The following RYR1 variants were observed in gnomAD, a reference collection of about 807,000 sequenced individuals.
RYR1 encodes the protein ryanodine receptor 1.
In RYR1, 342 loss-of-function variants were observed where a neutral mutation model predicts 583.5. That is an observed-to-expected ratio of 0.59 (90% CI 0.54 to 0.64). RYR1 has a LOEUF of 0.64. Ranked by LOEUF, RYR1 falls within the 30% of genes least tolerant of loss-of-function variation. RYR1 has a pLI of 0.00. For missense variants in RYR1, 6,032 were observed against 6,917.2 expected (o/e 0.87, Z 4.54); for synonymous variants, 2,791 against 2,822.5 (o/e 0.99, Z 0.35).
chr19:38,577,586 T>C (rs1007384112), intron 97 of RYR1, among the ~76,000 whole-genome samples: 1 of 151,788 alleles, frequency 6.6e-6, no homozygotes, highest in Non-Finnish European at 1.5e-5. Flanking sequence ...CACTTGAGGT[T>C]AGGAGTTCAA....
Position 38,496,788 on chromosome 19 carries a change from G to A in RYR1, c.6797-72G>A. On this transcript the variant is annotated intron_variant, in intron 41 of 105. Coordinates refer to ENST00000359596, the MANE Select transcript of RYR1 (RefSeq NM_000540.3). This position sits in a 1 kb window ranked among gnomAD's most constrained non-coding sequence, Gnocchi z 4.8. ...CCTGATCCAGGCTGGAAAAAGGGTG[G>A]TCAGGGAGGGCTTCCCAGAGGAGGC... 1 of 1,443,242 alleles carries A rather than the reference G, an allele frequency of 6.9e-7. No homozygotes were observed. The highest frequency in any genetic ancestry group is 2.3e-5 in the East Asian group (1 of 44,002). The allele number at this position is 1,443,242 out of a possible 1,614,324, so 89.4% of individuals were successfully genotyped here.
Position 38,490,667 on chromosome 19 carries a change from G to A in RYR1, c.6062G>A (p.Cys2021Tyr). 1.9e-6 allele frequency: 3 copies of A among 1,613,664 alleles called. No homozygotes were observed. The highest frequency in any genetic ancestry group is 2.5e-6 in the Non-Finnish European group (3 of 1,179,570). The change falls in exon 37 of 106, where the codon TGT becomes TAT. Residue 2021 changes from cysteine (C) to tyrosine (Y), a missense_variant. By Grantham distance (194) the Cys-to-Tyr change is radical (BLOSUM62 -2). Coordinates refer to ENST00000359596, the MANE Select transcript of RYR1 (RefSeq NM_000540.3). The part of the protein sequence containing the change: ...QFKDGTDEED[C>Y]PLPEEIRQDL... ...AAAGATGGTACAGATGAGGAAGACT[G>A]TCCTCTCCCTGAAGAGATTCGACAG...
chr19:38,532,623 A>G, intron 77 of RYR1, 48 bp from the exon 78 acceptor site: 1 of 1,613,448 alleles, frequency 6.2e-7, no homozygotes, highest in Non-Finnish European at 8.5e-7. Flanking sequence ...CTGGGGCGGG[A>G]TGGAGGGGTC....
intron 53 of RYR1, 103 bp from the exon 54 acceptor site, chr19:38,505,703 G>A: frequency 2.1e-6 from 3 of 1,442,382 alleles, no homozygotes; most frequent in Non-Finnish European, 2.9e-6. Context: ...ATCCAGACTG[G>A]ACCATTGCCT....
intron 78 of RYR1, among the ~76,000 whole-genome samples, chr19:38,533,978 T>C (rs991460824): frequency 6.6e-6 from 1 of 151,228 alleles, no homozygotes; most frequent in Non-Finnish European, 1.5e-5. Flanking sequence ...TATACAGCAA[T>C]AATAATGTGA....
At chr19:38,578,322 C>T (rs1974051519) in intron 99 of RYR1, 118 bp downstream of exon 99, 3 of 955,804 alleles carry the variant, frequency 3.1e-6, no homozygotes. Context: ...TGGCTGTGAC[C>T]CTAGGGTATC....
chr19:38,548,801 T>C (rs1972542226), intron 89 of RYR1, among the ~76,000 whole-genome samples: 1 of 152,146 alleles, frequency 6.6e-6, no homozygotes, highest in Admixed American at 6.6e-5. Flanking sequence ...AGGCTCCTCT[T>C]GAACTCTTGG....
At chr19:38,465,855 A>G (rs766220216) in intron 23 of RYR1, among the ~76,000 whole-genome samples, 1 of 152,206 alleles carries the variant, frequency 6.6e-6, no homozygotes, top group Non-Finnish European at 1.5e-5. Flanking sequence ...CCCAAAGTCA[A>G]GACAAAGGGG....
At chr19:38,478,199 C>T (rs1424880641) in intron 30 of RYR1, among the ~76,000 whole-genome samples, 1 of 152,066 alleles carries the variant, frequency 6.6e-6, no homozygotes, top group Admixed American at 6.6e-5. Context: ...CCCTTGCTTT[C>T]CCTCCTTTCA....
chr19:38,530,842 G>T (rs1027192539), intron 76 of RYR1, among the ~76,000 whole-genome samples: 3 of 151,392 alleles, frequency 2.0e-5, no homozygotes, highest in African/African-American at 4.9e-5. Flanking sequence ...TGCTCTTGTT[G>T]CCCAGGCTGG....
Position 38,446,721 on chromosome 19 carries a change from G to A in RYR1, c.753G>A (p.Val251=). The part of the protein sequence containing the change: ...RRLVYYEGGA[V]CTHARSLWRL... The stretch of plus-strand genomic sequence containing the variant: ...TTGTCTACTATGAGGGGGGAGCTGT[G>A]TGCACTCATGCCCGCTCCCTCTGGA... Residue 251 remains valine, a synonymous_variant, in exon 9 of 106, where the codon GTG becomes GTA. Coordinates refer to ENST00000359596, the MANE Select transcript of RYR1 (RefSeq NM_000540.3). 1 of 1,614,004 alleles carries A rather than the reference G, an allele frequency of 6.2e-7. No individual in the cohort carries two copies. Among genetic ancestry groups the A allele is most frequent in the Non-Finnish European group, 8.5e-7 (1 of 1,179,956 alleles).
At chr19:38,532,831 C>G in intron 78 of RYR1, 95 bp downstream of exon 78, 1 of 1,322,886 alleles carries the variant, frequency 7.6e-7, no homozygotes, top group Non-Finnish European at 1.1e-6. Context: ...GAGCAAAGCT[C>G]TGGGGACACA....
At chr19:38,436,088 T>G (rs1972415092) in intron 1 of RYR1, among the ~76,000 whole-genome samples, 1 of 151,866 alleles carries the variant, frequency 6.6e-6, no homozygotes, top group Admixed American at 6.6e-5. Flanking sequence ...TTTTGTATTT[T>G]TAGTAGAGAT....
Position 38,451,788 on chromosome 19 carries a change from A to G in RYR1, c.1147A>G (p.Met383Val), listed in dbSNP as rs941742925. 6.2e-6 allele frequency: 10 copies of G among 1,614,118 alleles called. No individual in the cohort carries two copies. Among genetic ancestry groups the G allele is most frequent in the Non-Finnish European group, 8.5e-6 (10 of 1,180,010 alleles). Residue 383 changes from methionine to valine, a missense_variant, in exon 12 of 106, where the codon ATG becomes GTG. Transcript: ENST00000359596. ...GGCCATGCTGCACCAGGAGGGCCAC[A>G]TGGACGACGCACTGTCGCTGACCCG... ...KKAMLHQEGH[M>V]DDALSLTRCQ... is the part of the protein sequence containing the mutation.
chr19:38,558,222 G>A (rs996907198), intron 89 of RYR1, among the ~76,000 whole-genome samples: 5 of 151,888 alleles, frequency 3.3e-5, no homozygotes. Context: ...AAGACGGGAG[G>A]ATCACTTGAG....
chr19:38,502,398 TG>T, intron 47 of RYR1, 108 bp from the exon 48 acceptor site: 1 of 1,027,312 alleles, frequency 9.7e-7, no homozygotes, highest in Non-Finnish European at 1.5e-6. Flanking sequence ...GAGCAGGTTT[TG>T]GGGGAGTCAT....
chr19:38,564,917 C>T (rs746123217), intron 90 of RYR1, 42 bp from the exon 91 acceptor site: 19 of 1,549,074 alleles, frequency 1.2e-5, no homozygotes, highest in Non-Finnish European at 1.7e-5. Context: ...GTCCGAGCCC[C>T]CGCTGACGGC....
rs372411922 is a variant in RYR1, at chr19:38,565,597, C to T, written c.13263C>T (p.Asp4421=). The change falls in exon 91 of 106, where the codon GAC becomes GAT. Residue 4421 remains aspartate, a synonymous_variant. Transcript: ENST00000359596. This position sits in a 1 kb window ranked among gnomAD's most constrained non-coding sequence, Gnocchi z 4.7. ...GAGACGCCGCGGAGGGCGCTGGAGA[C>T]GAGGAGGAGGCGGTGCACGAGGCCG... ...GAGDAAEGAG[D]EEEAVHEAGP... 3.6e-5 allele frequency: 53 copies of T among 1,458,104 alleles called. 1 individual carries two copies. The African/African-American group carries it at 4.4e-4, about 12-fold the overall frequency. 90.3% of individuals were successfully genotyped at this position (1,458,104 alleles called of 1,614,324 possible).
chr19:38,567,819 C>G lies in RYR1; in HGVS notation c.13561C>G (p.Pro4521Ala). 6.2e-7 allele frequency: 1 copy of G among 1,614,138 alleles called. No homozygotes were observed. ...AGAAGTTCCCGAGCCCACACCAGAGCCCCCCAAGAAGCAAGCACCTCCCTC... is the reference window on the plus strand; with the variant it reads ...AGAAGTTCCCGAGCCCACACCAGAGGCCCCCAAGAAGCAAGCACCTCCCTC... Reference protein sequence around the residue: ...KEEVPEPTPEPPKKQAPPSPP... With the variant: ...KEEVPEPTPEAPKKQAPPSPP... Residue 4521 changes from proline to alanine, a missense_variant, in exon 93 of 106, where the codon CCC (proline) becomes GCC (alanine). Around this residue, in one of 11 missense-constraint regions of RYR1, gnomAD observed 753 missense variants for 759.6 expected, o/e 0.99. Coordinates refer to ENST00000359596, the MANE Select transcript of RYR1 (RefSeq NM_000540.3).
Sources: gnomAD v4.1 joint callset for allele counts (sites outside exome capture counted in the v4.1 genomes callset) on GRCh38, gnomAD v4.1.1 for gene constraint, gnomAD v4.1.1 regional missense constraint, Gnocchi (gnomAD v3.1) non-coding constraint, MANE v1.5 for transcripts, NCBI Gene and HGNC (gene_info 2026-07-23, HGNC 2026-07-21) for gene names.